The following SEMA3E variants were observed in gnomAD, a reference collection of about 807,000 sequenced individuals.
SEMA3E encodes semaphorin-3E.
A neutral mutation model predicts 93.6 loss-of-function variants in SEMA3E; 49 were observed. That is an observed-to-expected ratio of 0.52 (90% CI 0.42 to 0.66). SEMA3E has a LOEUF of 0.66. Among genes scored for constraint, SEMA3E ranks in the 30% least tolerant of loss-of-function variants. The pLI, the probability that SEMA3E is intolerant of heterozygous loss-of-function variation, is 0.00. For missense variants in SEMA3E, 906 were observed against 964.8 expected, an observed-to-expected ratio of 0.94 and a Z score of 0.81; for synonymous variants, 363 against 330.7, an observed-to-expected ratio of 1.10 and a Z score of -1.06.
At chr7:83,473,593 T>A (rs938793897) in intron 2 of SEMA3E, among the ~76,000 whole-genome samples, 2 of 152,158 alleles carry the variant, frequency 1.3e-5, no homozygotes, top group East Asian at 3.8e-4. Context: ...TTAAAAATCT[T>A]GCATAAAAAT....
At position 83,364,600 on chromosome 7, in the gene SEMA3E, T is replaced by G. The variant is rs1794638799; in HGVS notation, c.*2986A>C. 6.6e-6 allele frequency: 1 copy of G among 152,216 alleles called. No individual in the cohort carries two copies. The highest frequency in any genetic ancestry group is 1.5e-5 in the Non-Finnish European group (1 of 68,038). 9.4% of individuals were successfully genotyped at this position (152,216 alleles called of 1,614,324 possible). A position where few individuals can be genotyped will look rare whatever the true frequency, so the allele number is the denominator to read the frequency against. On this transcript the variant is annotated 3_prime_UTR_variant, in exon 17 of 17. Coordinates refer to ENST00000643230, the MANE Select transcript of SEMA3E (RefSeq NM_012431.3). ...TGGAATCACGAAGTAAAATCTTTTT[T>G]GTTAACAAATCTGGATCTCTTGCCC...
intron 6 of SEMA3E, 136 bp from the exon 7 acceptor site, chr7:83,407,375 A>T: frequency 1.2e-6 from 1 of 817,210 alleles, no homozygotes; most frequent in Non-Finnish European, 1.9e-6. Flanking sequence ...ATTTTTCTTG[A>T]ATTTTTTTAC....
intron 4 of SEMA3E, among the ~76,000 whole-genome samples, chr7:83,446,813 A>G (rs1253423041): frequency 2.6e-5 from 4 of 152,158 alleles, no homozygotes; most frequent in Non-Finnish European, 5.9e-5. Flanking sequence ...TCCTTTTTTC[A>G]TTTGTTAAAT....
intron 16 of SEMA3E, among the ~76,000 whole-genome samples, chr7:83,382,720 T>C (rs2094226824): frequency 6.6e-6 from 1 of 151,638 alleles, no homozygotes; most frequent in African/African-American, 2.4e-5. Context: ...ATGCTCCACA[T>C]GAAGTATCTA....
intron 1 of SEMA3E, among the ~76,000 whole-genome samples, chr7:83,506,303 CCAGT>C (rs1041806617): frequency 2.0e-4 from 30 of 151,866 alleles, no homozygotes; most frequent in Non-Finnish European, 2.9e-4. Context: ...ATAATAAGAT[CCAGT>C]CATTTGCAAC....
intron 1 of SEMA3E, among the ~76,000 whole-genome samples, chr7:83,610,089 G>C (rs1282471551): frequency 6.6e-6 from 1 of 151,902 alleles, no homozygotes; most frequent in African/African-American, 2.4e-5. Context: ...AAATACCTGA[G>C]ACAAATAAAG....
chr7:83,511,025 G>C (rs1008156387), intron 1 of SEMA3E, among the ~76,000 whole-genome samples: 7 of 151,912 alleles, frequency 4.6e-5, no homozygotes, highest in Admixed American at 1.3e-4. Flanking sequence ...AATTAAAAGG[G>C]GACTAAACTT....
intron 1 of SEMA3E, among the ~76,000 whole-genome samples, chr7:83,593,526 AC>A (rs1247439414): frequency 6.6e-6 from 1 of 152,066 alleles, no homozygotes; most frequent in Non-Finnish European, 1.5e-5. Context: ...AATACTTAGT[AC>A]CTGTGAGTAG....
chr7:83,506,032 A>AATATAT (rs869131366), intron 1 of SEMA3E, among the ~76,000 whole-genome samples: 10 of 119,732 alleles, frequency 8.4e-5, no homozygotes, highest in African/African-American at 3.6e-4. Context: ...AAAAAAAAAA[A>AATATAT]ATATATATAT....
chr7:83,558,874 T>G (rs1314276768), intron 1 of SEMA3E, among the ~76,000 whole-genome samples: 1 of 152,014 alleles, frequency 6.6e-6, no homozygotes, highest in Non-Finnish European at 1.5e-5. Flanking sequence ...ATAAATCAAA[T>G]ATAAGATTTA....
At chr7:83,500,400 C>T (rs1392308497) in intron 1 of SEMA3E, among the ~76,000 whole-genome samples, 2 of 151,998 alleles carry the variant, frequency 1.3e-5, no homozygotes, top group East Asian at 2.0e-4. Context: ...CAGGCCACTA[C>T]ACTGCAGCCT....
In SEMA3E at chr7:83,563,975, A is replaced by C. The variant is rs370932256; in HGVS notation, c.116-73701T>G. 7.9e-5 allele frequency among the ~76,000 whole-genome samples: 12 copies of C among 152,264 alleles called. 1 individual carries two copies. Among genetic ancestry groups the C allele is most frequent in the Admixed American group, 6.5e-5 (1 of 15,290 alleles). ...TTTCAACTAAATTGACCATTTCTCCATTTCTCAGCCAGTTCAACTGATTGT... is the reference window on the plus strand; with the variant it reads ...TTTCAACTAAATTGACCATTTCTCCCTTTCTCAGCCAGTTCAACTGATTGT... On this transcript the variant is annotated intron_variant, in intron 1 of 16. Coordinates refer to ENST00000643230, the MANE Select transcript of SEMA3E (RefSeq NM_012431.3).
intron 2 of SEMA3E, among the ~76,000 whole-genome samples, chr7:83,483,196 T>G (rs1010877070): frequency 1.3e-5 from 2 of 152,146 alleles, no homozygotes; most frequent in Non-Finnish European, 2.9e-5. Flanking sequence ...AATATATAAA[T>G]GTAGAAGGCA....
Position 83,648,735 on chromosome 7 carries a change from C to T in SEMA3E, c.-193G>A, listed in dbSNP as rs1335936066. 4 of 643,232 alleles carry T rather than the reference C, an allele frequency of 6.2e-6. No individual in the cohort carries two copies. In the African/African-American group the frequency reaches 7.2e-5, roughly 12 times the overall value. 39.8% of individuals were successfully genotyped at this position (643,232 alleles called of 1,614,324 possible). On this transcript the variant is annotated 5_prime_UTR_variant, in exon 1 of 17. Transcript: ENST00000643230. Reference sequence around the variant, plus strand: ...ATGTAAAACCTTTCTTTCCTCGGGACAGTTGTTTATAAGCCGGGAGCAAGA... The same window carrying T: ...ATGTAAAACCTTTCTTTCCTCGGGATAGTTGTTTATAAGCCGGGAGCAAGA...
At chr7:83,414,017 A>G (rs1424413630) in intron 5 of SEMA3E, among the ~76,000 whole-genome samples, 1 of 152,192 alleles carries the variant, frequency 6.6e-6, no homozygotes, top group Non-Finnish European at 1.5e-5. Context: ...CATGGCCAGA[A>G]GCTACAATAA....
At chr7:83,484,403 C>T (rs1191786183) in intron 2 of SEMA3E, among the ~76,000 whole-genome samples, 3 of 152,192 alleles carry the variant, frequency 2.0e-5, no homozygotes, top group African/African-American at 7.2e-5. Context: ...TTTCACCTAG[C>T]TTACTATCCT....
chr7:83,552,800 G>A (rs764072769), intron 1 of SEMA3E, among the ~76,000 whole-genome samples: 2 of 152,092 alleles, frequency 1.3e-5, no homozygotes, highest in Non-Finnish European at 2.9e-5. Flanking sequence ...CTGGTTCTCT[G>A]CTCTTGAACC....
intron 1 of SEMA3E, among the ~76,000 whole-genome samples, chr7:83,550,619 GT>G (rs908180719): frequency 3.3e-5 from 5 of 151,958 alleles, no homozygotes; most frequent in Non-Finnish European, 7.4e-5. Flanking sequence ...GAGAATTTTT[GT>G]TTTGTTTTGT....
chr7:83,409,910 TAA>T (rs1347464320), intron 5 of SEMA3E, among the ~76,000 whole-genome samples: 2 of 151,604 alleles, frequency 1.3e-5, no homozygotes, highest in Non-Finnish European at 2.9e-5. Flanking sequence ...AAATTATATA[TAA>T]GACAAATTAA....
Sources: allele counts gnomAD v4.1 joint callset (sites outside exome capture counted in the v4.1 genomes callset), GRCh38; gene constraint gnomAD v4.1.1; transcripts MANE v1.5; gene names NCBI Gene and HGNC (gene_info 2026-07-23, HGNC 2026-07-21).